SUCLA2: variants seen among roughly 807,000 people sequenced by gnomAD.
The protein encoded by SUCLA2 is succinate-CoA ligase ADP-forming subunit beta, also known as succinate--CoA ligase [ADP-forming] subunit beta, mitochondrial.
A neutral mutation model predicts 54.8 loss-of-function variants in SUCLA2; 30 were observed. The ratio of observed to expected loss-of-function variants is 0.55; its 90% CI spans 0.41 to 0.74. SUCLA2 has a LOEUF of 0.74. SUCLA2 is among the 30% of genes least tolerant of loss of function. SUCLA2 has a pLI of 0.00. For synonymous variants in SUCLA2, 172 were observed against 188.9 expected (o/e 0.91, Z 0.74); for missense variants, 476 against 562.9 (o/e 0.85, Z 1.56).
chr13:47,943,827 T>C (rs1341811299), intron 10 of SUCLA2, among the ~76,000 whole-genome samples: 1 of 150,344 alleles, frequency 6.7e-6, no homozygotes, highest in Non-Finnish European at 1.5e-5. Context: ...GTGTCTTTGT[T>C]GGATACTCCA....
At chr13:47,966,527 A>AG (rs1307898544) in intron 6 of SUCLA2, among the ~76,000 whole-genome samples, 1 of 146,954 alleles carries the variant, frequency 6.8e-6, no homozygotes, top group Non-Finnish European at 1.5e-5. Context: ...GCCGTTTTTA[A>AG]AAAAAAAAAA....
chr13:47,995,570 GTAC>G (rs961606162), intron 2 of SUCLA2, among the ~76,000 whole-genome samples: 1 of 151,876 alleles, frequency 6.6e-6, no homozygotes, highest in African/African-American at 2.4e-5. Context: ...ATACAAATAA[GTAC>G]TACACAAGAT....
chr13:47,967,915 C>T (rs1949932680), intron 6 of SUCLA2, among the ~76,000 whole-genome samples: 2 of 147,706 alleles, frequency 1.4e-5, no homozygotes, highest in Admixed American at 1.3e-4. Flanking sequence ...CCCCAAAAAT[C>T]AAATAACATT....
At chr13:47,967,208 A>C (rs1318865425) in intron 6 of SUCLA2, among the ~76,000 whole-genome samples, 2 of 152,124 alleles carry the variant, frequency 1.3e-5, no homozygotes. Context: ...TAGCCCATTA[A>C]ATTTTTAAAA....
chr13:47,984,419 G>C (rs1055730819), intron 4 of SUCLA2, among the ~76,000 whole-genome samples: 1 of 151,296 alleles, frequency 6.6e-6, no homozygotes, highest in East Asian at 1.9e-4. Context: ...AGCCAGGATG[G>C]TCTCGATCTC....
chr13:47,975,239 C>T (rs1217400376), intron 4 of SUCLA2, among the ~76,000 whole-genome samples: 1 of 151,696 alleles, frequency 6.6e-6, no homozygotes, highest in Non-Finnish European at 1.5e-5. Flanking sequence ...CAGCTCACTG[C>T]AACCTCCGCC....
intron 5 of SUCLA2, chr13:47,971,547 C>CTT: frequency 3.9e-6 from 1 of 253,452 alleles, no homozygotes. Context: ...TCAATGGGGG[C>CTT]TTTTTTTTAG....
rs1441305974 is a variant in SUCLA2, at chr13:47,943,214, C to T, written c.*157G>A. The T allele has an allele frequency of 2.6e-6, 2 of 768,568 alleles. No individual in the cohort carries two copies. Among genetic ancestry groups the T allele is most frequent in the Non-Finnish European group, 4.7e-6 (2 of 430,048 alleles). 47.6% of individuals were successfully genotyped at this position (768,568 alleles called of 1,614,324 possible). On this transcript the variant is annotated 3_prime_UTR_variant, in exon 11 of 11. Coordinates refer to ENST00000646932, the MANE Select transcript of SUCLA2 (RefSeq NM_003850.3). ...TACAAACAGTCCATTCTGAATGGTA[C>T]AATTAAATGCAGTCCAAATCCTTTT... is the stretch of plus-strand genomic sequence containing the variant.
intron 6 of SUCLA2, among the ~76,000 whole-genome samples, chr13:47,963,823 T>G (rs945243220): frequency 6.6e-6 from 1 of 152,232 alleles, no homozygotes; most frequent in South Asian, 2.1e-4. Flanking sequence ...TCTTGGTACC[T>G]ATTAATAAAT....
chr13:47,985,717 T>C (rs1048259621), intron 4 of SUCLA2, among the ~76,000 whole-genome samples: 1 of 152,152 alleles, frequency 6.6e-6, no homozygotes, highest in East Asian at 1.9e-4. Context: ...TGTATCTTTA[T>C]AACAGAATGA....
At chr13:47,994,616 T>C (rs1950176726) in intron 2 of SUCLA2, among the ~76,000 whole-genome samples, 1 of 150,972 alleles carries the variant, frequency 6.6e-6, no homozygotes, top group Admixed American at 6.6e-5. Context: ...CATATTTTCA[T>C]AGACGTTTCT....
intron 1 of SUCLA2, 89 bp from the exon 2 acceptor site, chr13:47,997,112 T>C (rs1257291826): frequency 7.4e-7 from 1 of 1,360,274 alleles, no homozygotes; most frequent in Non-Finnish European, 1.0e-6. Context: ...ATAACAAAAC[T>C]GTTACATTAC....
chr13:47,948,840 A>T, intron 10 of SUCLA2, 100 bp downstream of exon 10: 2 of 1,136,726 alleles, frequency 1.8e-6, no homozygotes, highest in South Asian at 2.5e-5. Flanking sequence ...TTACACTCAT[A>T]ATATTTAGCT....
Position 47,964,276 on chromosome 13 carries a change from G to A in SUCLA2, c.802+4319C>T, listed in dbSNP as rs1001668191. Among the ~76,000 whole-genome samples, 20 of 152,048 alleles carry A rather than the reference G, an allele frequency of 1.3e-4. 1 individual carries two copies. Among genetic ancestry groups the A allele is most frequent in the Middle Eastern group, 3.4e-3 (1 of 294 alleles). On this transcript the variant is annotated intron_variant, in intron 6 of 10. Coordinates refer to ENST00000646932, the MANE Select transcript of SUCLA2 (RefSeq NM_003850.3). The stretch of plus-strand genomic sequence containing the variant: ...TAAAAAAAAAACTATAGAGGATGAA[G>A]AATAGACTAGTGATTTTCAGGGCAC...
chr13:47,958,925 ACTT>A (rs1378444760), intron 6 of SUCLA2, among the ~76,000 whole-genome samples: 1 of 152,172 alleles, frequency 6.6e-6, no homozygotes, highest in African/African-American at 2.4e-5. Flanking sequence ...TTTTAGGTAA[ACTT>A]CTTGTGTAAT....
intron 2 of SUCLA2, among the ~76,000 whole-genome samples, chr13:47,996,130 T>G (rs1950188503): frequency 6.6e-6 from 1 of 151,902 alleles, no homozygotes; most frequent in African/African-American, 2.4e-5. Flanking sequence ...AAGACCAGCC[T>G]GGCCAACATA....
intron 4 of SUCLA2, 106 bp from the exon 5 acceptor site, chr13:47,973,498 T>C (rs988882292): frequency 1.9e-5 from 24 of 1,276,816 alleles, no homozygotes; most frequent in Middle Eastern, 1.9e-4. Flanking sequence ...TCTATTACTC[T>C]CTACCCACAT....
intron 2 of SUCLA2, among the ~76,000 whole-genome samples, chr13:47,993,579 C>T (rs371180914): frequency 2.0e-5 from 3 of 152,130 alleles, no homozygotes; most frequent in African/African-American, 7.2e-5. Context: ...AAATGATGGA[C>T]ATGGTAGGAA....
At chr13:47,982,770 T>C (rs1950069591) in intron 4 of SUCLA2, among the ~76,000 whole-genome samples, 1 of 152,100 alleles carries the variant, frequency 6.6e-6, no homozygotes, top group East Asian at 1.9e-4. Flanking sequence ...GGCAATATTC[T>C]GCATACTGCC....
Sources: allele counts gnomAD v4.1 joint callset (sites outside exome capture counted in the v4.1 genomes callset), GRCh38; gene constraint gnomAD v4.1.1; transcripts MANE v1.5; gene names NCBI Gene and HGNC (gene_info 2026-07-23, HGNC 2026-07-21).